LRRC8D: variants seen among roughly 807,000 people sequenced by gnomAD.
The protein encoded by LRRC8D is leucine rich repeat containing 8 VRAC subunit D, also known as volume-regulated anion channel subunit LRRC8D.
Under a neutral mutation model 55.8 loss-of-function variants are expected in LRRC8D, and 20 were observed. The observed-to-expected ratio is 0.36, with a 90% CI of 0.25 to 0.52. The LOEUF (loss-of-function observed/expected upper bound fraction) is 0.52, where lower values mean the gene tolerates loss of function less well. Among genes scored for constraint, LRRC8D ranks in the 20% least tolerant of loss-of-function variants. The probability of loss-of-function intolerance (pLI) is 0.93; values close to 1 mark genes in which losing one functional copy is unlikely to be tolerated. For synonymous variants in LRRC8D, 352 were observed against 377.0 expected (o/e 0.93, Z 0.77); for missense variants, 651 against 1,030.8 (o/e 0.63, Z 5.05).
intron 2 of LRRC8D, among the ~76,000 whole-genome samples, chr1:89,923,011 C>T (rs1015522796): frequency 6.6e-6 from 1 of 152,066 alleles, no homozygotes; most frequent in African/African-American, 2.4e-5. Flanking sequence ...ACTAACCATA[C>T]ATTTGAATAA....
At chr1:89,878,802 C>T (rs1167250391) in intron 2 of LRRC8D, among the ~76,000 whole-genome samples, 1 of 151,850 alleles carries the variant, frequency 6.6e-6, no homozygotes, top group Non-Finnish European at 1.5e-5. Flanking sequence ...CCTGTCTCTA[C>T]TAAAAATACA....
chr1:89,856,843 A>C (rs1052606356), intron 2 of LRRC8D, among the ~76,000 whole-genome samples: 1 of 152,148 alleles, frequency 6.6e-6, no homozygotes, highest in Non-Finnish European at 1.5e-5. Context: ...ACTGTTTTCT[A>C]TTCATTGCAT....
chr1:89,834,218 C>T (rs573970238), intron 1 of LRRC8D, among the ~76,000 whole-genome samples: 62 of 152,300 alleles, frequency 4.1e-4, no homozygotes, highest in African/African-American at 1.4e-3. Context: ...TAACATTTAT[C>T]ATTACTTTGA....
intron 2 of LRRC8D, among the ~76,000 whole-genome samples, chr1:89,865,293 C>G (rs1661813593): frequency 6.8e-6 from 1 of 147,584 alleles, no homozygotes; most frequent in African/African-American, 2.5e-5. Context: ...TTGTTGATTA[C>G]TTTGCTTAAT....
intron 1 of LRRC8D, chr1:89,821,815 C>A (rs970367992): frequency 6.6e-6 from 1 of 151,424 alleles, no homozygotes; most frequent in Non-Finnish European, 1.5e-5. Flanking sequence ...CGGGCGGGGG[C>A]GGGGAGGTGA....
intron 2 of LRRC8D, among the ~76,000 whole-genome samples, chr1:89,885,511 A>T (rs1176663633): frequency 2.6e-5 from 4 of 152,232 alleles, no homozygotes; most frequent in African/African-American, 9.6e-5. Flanking sequence ...TTAACTTAAT[A>T]ATGGTGTGAA....
At chr1:89,830,355 A>G (rs1200535420) in intron 1 of LRRC8D, among the ~76,000 whole-genome samples, 1 of 152,224 alleles carries the variant, frequency 6.6e-6, no homozygotes, top group Admixed American at 6.5e-5. Flanking sequence ...ACACTCAGAG[A>G]CAGAGAGAGA....
intron 2 of LRRC8D, among the ~76,000 whole-genome samples, chr1:89,869,288 T>C (rs1661936062): frequency 1.3e-5 from 2 of 152,150 alleles, no homozygotes; most frequent in African/African-American, 4.8e-5. Context: ...GAGAAGAACG[T>C]AAATGACCTG....
At chr1:89,902,410 T>C (rs1662881964) in intron 2 of LRRC8D, among the ~76,000 whole-genome samples, 2 of 152,320 alleles carry the variant, frequency 1.3e-5, no homozygotes, top group East Asian at 3.9e-4. Context: ...TGTCTTCATA[T>C]CTCTTCTGAA....
At chr1:89,824,698 G>A (rs1358477516) in intron 1 of LRRC8D, among the ~76,000 whole-genome samples, 1 of 152,044 alleles carries the variant, frequency 6.6e-6, no homozygotes, top group East Asian at 1.9e-4. Flanking sequence ...CTTTGCTAAT[G>A]CAAACTAGTC....
chr1:89,887,483 T>C (rs1385570098), intron 2 of LRRC8D, among the ~76,000 whole-genome samples: 1 of 152,192 alleles, frequency 6.6e-6, no homozygotes. Context: ...GTCCTGGCCA[T>C]TGTCCTGGTA....
At chr1:89,888,452 A>T (rs940128510) in intron 2 of LRRC8D, among the ~76,000 whole-genome samples, 2 of 152,248 alleles carry the variant, frequency 1.3e-5, no homozygotes, top group Non-Finnish European at 2.9e-5. Context: ...GTTTAGCTTG[A>T]TATAGATACA....
At chr1:89,912,676 A>G (rs1260653161) in intron 2 of LRRC8D, among the ~76,000 whole-genome samples, 1 of 152,136 alleles carries the variant, frequency 6.6e-6, no homozygotes, top group African/African-American at 2.4e-5. Flanking sequence ...TTATCATTCT[A>G]TCATGTTATG....
intron 2 of LRRC8D, among the ~76,000 whole-genome samples, chr1:89,869,689 A>G (rs1661946176): frequency 6.6e-6 from 1 of 152,220 alleles, no homozygotes; most frequent in East Asian, 1.9e-4. Flanking sequence ...GAAGGAAAAA[A>G]TGTTAAGGGC....
intron 1 of LRRC8D, among the ~76,000 whole-genome samples, chr1:89,837,460 A>G (rs1436636237): frequency 3.9e-5 from 6 of 152,146 alleles, no homozygotes; most frequent in Non-Finnish European, 7.3e-5. Context: ...ACTCAATCCA[A>G]TTGGGTCTTA....
intron 2 of LRRC8D, among the ~76,000 whole-genome samples, chr1:89,899,239 A>C (rs1258303201): frequency 1.3e-5 from 2 of 152,232 alleles, no homozygotes; most frequent in African/African-American, 2.4e-5. Context: ...AGCTGTGCTG[A>C]AAACCACTTT....
intron 2 of LRRC8D, among the ~76,000 whole-genome samples, chr1:89,916,374 T>C (rs906329678): frequency 1.3e-5 from 2 of 152,248 alleles, no homozygotes; most frequent in African/African-American, 4.8e-5. Flanking sequence ...GTTTGTTTTA[T>C]CAAATCCTTT....
intron 2 of LRRC8D, among the ~76,000 whole-genome samples, chr1:89,847,674 CTTCTTAGTCAAA>C (rs1413887000): frequency 6.6e-6 from 1 of 152,020 alleles, no homozygotes; most frequent in Non-Finnish European, 1.5e-5. Context: ...TAAAAAATGC[CTTCTTAGTCAAA>C]TTGTAAACTG....
intron 1 of LRRC8D, among the ~76,000 whole-genome samples, chr1:89,824,933 A>G (rs1309766461): frequency 6.6e-6 from 1 of 152,164 alleles, no homozygotes; most frequent in Admixed American, 6.5e-5. Context: ...GCCGAGCACA[A>G]ACTTCTTTAT....
Sources: allele counts gnomAD v4.1 joint callset (sites outside exome capture counted in the v4.1 genomes callset), GRCh38; gene constraint gnomAD v4.1.1; transcripts MANE v1.5; gene names NCBI Gene and HGNC (gene_info 2026-07-23, HGNC 2026-07-21).